Variants in FBXL7 observed in about 807,000 individuals in gnomAD.
FBXL7 encodes F-box and leucine rich repeat protein 7, also known as F-box/LRR-repeat protein 7.
A neutral mutation model predicts 38.3 loss-of-function variants in FBXL7; 12 were observed. That is an observed-to-expected ratio of 0.31 (90% CI 0.20 to 0.51). The LOEUF is 0.51. Ranked by LOEUF, FBXL7 falls within the 20% of genes least tolerant of loss-of-function variation. The pLI, the probability that FBXL7 is intolerant of heterozygous loss-of-function variation, is 0.98. For missense variants in FBXL7, 567 were observed against 676.4 expected, an observed-to-expected ratio of 0.84 and a Z score of 1.79; for synonymous variants, 297 against 300.9, an observed-to-expected ratio of 0.99 and a Z score of 0.13.
chr5:15,789,995 C>A (rs1387902189), intron 2 of FBXL7, among the ~76,000 whole-genome samples: 1 of 152,202 alleles, frequency 6.6e-6, no homozygotes, highest in Non-Finnish European at 1.5e-5. Context: ...GTGGCCAGAT[C>A]TTCCAACACT....
At chr5:15,693,810 G>A (rs572451713) in intron 2 of FBXL7, among the ~76,000 whole-genome samples, 116 of 152,260 alleles carry the variant, frequency 7.6e-4, no homozygotes, top group Non-Finnish European at 1.4e-3. Context: ...TGAGCAGCCC[G>A]ACTCCAGGGT....
At chr5:15,557,041 C>A (rs536372461) in intron 1 of FBXL7, among the ~76,000 whole-genome samples, 2 of 152,300 alleles carry the variant, frequency 1.3e-5, no homozygotes, top group South Asian at 4.1e-4. Flanking sequence ...GGGTTCACGC[C>A]ATTCTCCTGT....
intron 2 of FBXL7, among the ~76,000 whole-genome samples, chr5:15,825,864 G>T (rs1257427412): frequency 6.6e-6 from 1 of 152,192 alleles, no homozygotes; most frequent in African/African-American, 2.4e-5. Context: ...TTTTAGAGAG[G>T]AAGAAAAGGA....
chr5:15,534,821 G>C (rs1055633156), intron 1 of FBXL7, among the ~76,000 whole-genome samples: 1 of 152,184 alleles, frequency 6.6e-6, no homozygotes, highest in Non-Finnish European at 1.5e-5. Context: ...GCCAGTGTTT[G>C]GTGTTGTCAG....
intron 2 of FBXL7, among the ~76,000 whole-genome samples, chr5:15,785,261 G>A (rs1737105397): frequency 6.6e-6 from 1 of 152,208 alleles, no homozygotes; most frequent in African/African-American, 2.4e-5. Context: ...GAAGCTGGGA[G>A]TGATCTCCTG....
chr5:15,541,412 A>G (rs1468977267), intron 1 of FBXL7, among the ~76,000 whole-genome samples: 8 of 135,312 alleles, frequency 5.9e-5, no homozygotes, highest in African/African-American at 8.2e-5. Flanking sequence ...ATATGTGTAT[A>G]TATATACATA....
chr5:15,761,561 G>A (rs1344744272), intron 2 of FBXL7, among the ~76,000 whole-genome samples: 1 of 151,612 alleles, frequency 6.6e-6, no homozygotes, highest in Non-Finnish European at 1.5e-5. Context: ...TTATTTTTTT[G>A]AAACAGGGTC....
At chr5:15,717,806 T>C (rs967154091) in intron 2 of FBXL7, among the ~76,000 whole-genome samples, 1 of 152,104 alleles carries the variant, frequency 6.6e-6, no homozygotes, top group African/African-American at 2.4e-5. Context: ...GCCAATGTCA[T>C]GAAAGATAGA....
intron 2 of FBXL7, among the ~76,000 whole-genome samples, chr5:15,732,838 A>C (rs539984665): frequency 2.0e-5 from 3 of 152,202 alleles, no homozygotes; most frequent in African/African-American, 7.2e-5. Context: ...TTAATCTGGA[A>C]AGGGCAGAAG....
chr5:15,532,873 G>A (rs1024304277), intron 1 of FBXL7, among the ~76,000 whole-genome samples: 4 of 152,218 alleles, frequency 2.6e-5, no homozygotes, highest in Admixed American at 1.3e-4. Context: ...CATTGGCAGA[G>A]CTTTGCTGAC....
chr5:15,729,307 T>C lies in FBXL7; in HGVS notation c.127+113235T>C, dbSNP rs550971615. On this transcript the variant is annotated intron_variant, in intron 2 of 3. Coordinates refer to ENST00000504595, the MANE Select transcript of FBXL7 (RefSeq NM_012304.5). ...TTGATTGTTCTGGATAATTTAGCATTCCCTTTTTCTTTTGACAGTAGCAGA... is the reference window on the plus strand; with the variant it reads ...TTGATTGTTCTGGATAATTTAGCATCCCCTTTTTCTTTTGACAGTAGCAGA... Among the ~76,000 whole-genome samples, 3 of 152,262 alleles carry C rather than the reference T, an allele frequency of 2.0e-5. No individual in the cohort carries two copies. The East Asian group carries it at 5.8e-4, about 29-fold the overall frequency.
At chr5:15,730,754 A>G (rs1735559647) in intron 2 of FBXL7, among the ~76,000 whole-genome samples, 1 of 152,230 alleles carries the variant, frequency 6.6e-6, no homozygotes, top group Admixed American at 6.5e-5. Context: ...AATTAGATAT[A>G]TGATACAAAG....
chr5:15,891,524 A>C (rs1740902173), intron 2 of FBXL7, among the ~76,000 whole-genome samples: 1 of 151,872 alleles, frequency 6.6e-6, no homozygotes, highest in Non-Finnish European at 1.5e-5. Flanking sequence ...CAGGAAACAA[A>C]AGAAAGATGA....
At chr5:15,856,254 G>A (rs1739268243) in intron 2 of FBXL7, among the ~76,000 whole-genome samples, 1 of 151,996 alleles carries the variant, frequency 6.6e-6, no homozygotes, top group Admixed American at 6.6e-5. Context: ...CAGTATCATG[G>A]GGAAACCGAC....
intron 1 of FBXL7, among the ~76,000 whole-genome samples, chr5:15,548,595 A>G (rs1737980173): frequency 6.6e-6 from 1 of 152,180 alleles, no homozygotes; most frequent in Non-Finnish European, 1.5e-5. Context: ...GCCACTGTCA[A>G]TAGAGAAAAA....
At chr5:15,693,734 A>G (rs1201598272) in intron 2 of FBXL7, among the ~76,000 whole-genome samples, 1 of 152,200 alleles carries the variant, frequency 6.6e-6, no homozygotes, top group East Asian at 1.9e-4. Flanking sequence ...GAAGGCCATC[A>G]GTGGTGGAAC....
intron 2 of FBXL7, among the ~76,000 whole-genome samples, chr5:15,813,209 T>C (rs976645882): frequency 1.3e-5 from 2 of 152,104 alleles, no homozygotes; most frequent in African/African-American, 2.4e-5. Flanking sequence ...TCTTGCGTTG[T>C]ACTGGTACCA....
chr5:15,624,816 C>T (rs1355245596), intron 2 of FBXL7, among the ~76,000 whole-genome samples: 3 of 149,860 alleles, frequency 2.0e-5, no homozygotes, highest in Admixed American at 6.7e-5. Flanking sequence ...GCTTCAGCCT[C>T]AAATAACTGT....
chr5:15,511,258 G>C (rs1736789520), intron 1 of FBXL7, among the ~76,000 whole-genome samples: 1 of 152,208 alleles, frequency 6.6e-6, no homozygotes, highest in African/African-American at 2.4e-5. Flanking sequence ...AGGTTATCCA[G>C]TGTCTGTAAT....
Sources: gnomAD v4.1 joint callset for allele counts (sites outside exome capture counted in the v4.1 genomes callset) on GRCh38, gnomAD v4.1.1 for gene constraint, MANE v1.5 for transcripts, NCBI Gene and HGNC (gene_info 2026-07-23, HGNC 2026-07-21) for gene names.